Variants in SYNCRIP observed in about 807,000 individuals in gnomAD.
SYNCRIP encodes the protein synaptotagmin binding cytoplasmic RNA interacting protein.
SYNCRIP carries 9 observed loss-of-function variants against 68.9 expected under a neutral mutation model. That is an observed-to-expected ratio of 0.13 (90% CI 0.08 to 0.23). SYNCRIP has a LOEUF of 0.23. Ranked by LOEUF, SYNCRIP falls within the 10% of genes least tolerant of loss-of-function variation. SYNCRIP has a pLI of 1.00. For missense variants in SYNCRIP, 414 were observed against 770.6 expected, an observed-to-expected ratio of 0.54 and a Z score of 5.48; for synonymous variants, 258 against 254.0, an observed-to-expected ratio of 1.02 and a Z score of -0.15.
At chr6:85,636,822 G>A (rs1022998261) in intron 6 of SYNCRIP, 145 bp downstream of exon 6, 1 of 669,176 alleles carries the variant, frequency 1.5e-6, no homozygotes, top group Non-Finnish European at 2.5e-6. Flanking sequence ...ACACTACAAT[G>A]CTTGCACAGT....
rs781083306 is a variant in SYNCRIP at position 85,629,516 on chromosome 6, C to CAAAAA, written c.667-5409_667-5405dup. Among the ~76,000 whole-genome samples the CAAAAA allele has an allele frequency of 8.0e-4, 52 of 64,898 alleles. 2 individuals carry two copies. Among genetic ancestry groups the CAAAAA allele is most frequent in the Middle Eastern group, 0.012 (1 of 82 alleles). The allele number at this position is 64,898 out of a possible 152,430, so 42.6% of individuals were successfully genotyped here. A position where few individuals can be genotyped will look rare whatever the true frequency, so the allele number is the denominator to read the frequency against. On this transcript the variant is annotated intron_variant, in intron 6 of 10. Coordinates refer to ENST00000369622, the MANE Select transcript of SYNCRIP (RefSeq NM_006372.5). ...CAGCCTGGTCAACAAACTAAAAATA[C>CAAAAA]AAAAAAAAAAAAAAAAAAAAAAAAG...
At chr6:85,623,270 ACT>A (rs986995001) in intron 7 of SYNCRIP, among the ~76,000 whole-genome samples, 7 of 151,782 alleles carry the variant, frequency 4.6e-5, no homozygotes, top group Non-Finnish European at 7.4e-5. Flanking sequence ...CAATATATAA[ACT>A]CTGTTTATGG....
At position 85,614,058 on chromosome 6, in the gene SYNCRIP, T is replaced by C; in HGVS notation, c.*698A>G. 2.0e-6 allele frequency: 2 copies of C among 985,812 alleles called. No homozygotes were observed. Among genetic ancestry groups the C allele is most frequent in the Non-Finnish European group, 2.4e-6 (2 of 829,924 alleles). 61.1% of individuals were successfully genotyped at this position (985,812 alleles called of 1,614,324 possible). ...GCACTTTAAACCAGAAGCAGAAAAC[T>C]GCAATAAATCAGTGTTGTGTAATGT... On this transcript the variant is annotated 3_prime_UTR_variant, in exon 11 of 11. Coordinates refer to ENST00000369622, the MANE Select transcript of SYNCRIP (RefSeq NM_006372.5).
At chr6:85,640,200 A>C (rs751382645) in intron 4 of SYNCRIP, 21 bp downstream of exon 4, 6 of 1,523,700 alleles carry the variant, frequency 3.9e-6, no homozygotes, top group Non-Finnish European at 5.4e-6. Flanking sequence ...TTAAAACTAA[A>C]GGGAGTATAG....
rs138631587 is a variant in SYNCRIP, at chr6:85,629,378, T to C, written c.667-5266A>G. Among the ~76,000 whole-genome samples, 39 of 152,168 alleles carry C rather than the reference T, an allele frequency of 2.6e-4. No individual in the cohort carries two copies. The East Asian group carries it at 4.6e-3, about 18-fold the overall frequency. On this transcript the variant is annotated intron_variant, in intron 6 of 10. Transcript: ENST00000369622. The stretch of plus-strand genomic sequence containing the variant: ...AAAAGTTTTCATGCTAAACACACTA[T>C]TTGCTAAATTATTATTAAAATATCT...
Position 85,637,126 on chromosome 6 carries a change from G to C in SYNCRIP, c.507C>G (p.Ile169Met). The C allele has an allele frequency of 6.2e-7, 1 of 1,610,232 alleles. No individual in the cohort carries two copies. Among genetic ancestry groups the C allele is most frequent in the Non-Finnish European group, 8.5e-7 (1 of 1,179,100 alleles). Residue 169 changes from isoleucine to methionine, a missense_variant, in exon 6 of 11, where the codon ATC becomes ATG. Ile to Met is a conservative substitution (Grantham distance 10, BLOSUM62 1). Coordinates refer to ENST00000369622, the MANE Select transcript of SYNCRIP (RefSeq NM_006372.5). ...SVGTEIFVGK[I>M]PRDLFEDELV... is the part of the protein sequence containing the mutation. Reference sequence around the variant, plus strand: ...GTTCATCCTCAAATAGATCTCTTGGGATCTTTCCCACAAATATCTGTAAAT... The same window carrying C: ...GTTCATCCTCAAATAGATCTCTTGGCATCTTTCCCACAAATATCTGTAAAT...
downstream of SYNCRIP, chr6:85,609,710 G>A (rs1805098622): frequency 6.6e-6 from 1 of 151,912 alleles, no homozygotes; most frequent in African/African-American, 2.4e-5. Flanking sequence ...GATCACTTTT[G>A]ATTGCCAAGT....
Position 85,614,907 on chromosome 6 carries a change from T to C in SYNCRIP, c.1721A>G (p.Asp574Gly), listed in dbSNP as rs1805589972. Residue 574 changes from aspartate to glycine, a missense_variant, in exon 11 of 11, where the codon GAT becomes GGT. By Grantham distance (94) the Asp-to-Gly change is moderately conservative. Transcript: ENST00000369622. ...KRKADGYNQP[D>G]SKRRQTNNQN... is the part of the protein sequence containing the mutation. ...ATTATTGGTCTGGCGCCGCTTGGAATCTGGCTGGTTGTACCCATCAGCTTT... is the reference window on the plus strand; with the variant it reads ...ATTATTGGTCTGGCGCCGCTTGGAACCTGGCTGGTTGTACCCATCAGCTTT... 6.2e-7 allele frequency: 1 copy of C among 1,614,192 alleles called. No individual in the cohort carries two copies. The highest frequency in any genetic ancestry group is 8.5e-7 in the Non-Finnish European group (1 of 1,180,042).
chr6:85,610,678 C>G (rs1479263715), downstream of SYNCRIP: 1 of 151,968 alleles, frequency 6.6e-6, no homozygotes, highest in Non-Finnish European at 1.5e-5. Context: ...CAGTAAAGTG[C>G]CAATAGGCAT....
rs1205429701 is a variant in SYNCRIP at position 85,623,503 on chromosome 6, G to A, written c.802+474C>T. Reference sequence around the variant, plus strand: ...CCCTTGAATCTGGGAGGCAGAGGCTGCAGGGAGCCAAGATCACACCAGCAC... The same window carrying A: ...CCCTTGAATCTGGGAGGCAGAGGCTACAGGGAGCCAAGATCACACCAGCAC... On this transcript the variant is annotated intron_variant, in intron 7 of 10. Coordinates refer to ENST00000369622, the MANE Select transcript of SYNCRIP (RefSeq NM_006372.5). Among the ~76,000 whole-genome samples, 6 of 133,406 alleles carry A rather than the reference G, an allele frequency of 4.5e-5. No individual in the cohort carries two copies. The Admixed American group carries it at 5.1e-4, about 11-fold the overall frequency. 87.5% of individuals were successfully genotyped at this position (133,406 alleles called of 152,430 possible).
At chr6:85,643,079 C>G (rs1337574861), upstream of SYNCRIP, 2 of 150,940 alleles carry the variant, frequency 1.3e-5, no homozygotes, top group East Asian at 4.0e-4. Context: ...TCCTCCAGCT[C>G]CTCCTTCTCC....
chr6:85,610,204 T>C (rs1482660140), downstream of SYNCRIP: 1 of 151,930 alleles, frequency 6.6e-6, no homozygotes, highest in Non-Finnish European at 1.5e-5. Flanking sequence ...ACGTTAATTG[T>C]TCACATCACT....
At chr6:85,617,014 G>T (rs962228951) in intron 10 of SYNCRIP, among the ~76,000 whole-genome samples, 4 of 152,084 alleles carry the variant, frequency 2.6e-5, no homozygotes, top group Non-Finnish European at 4.4e-5. Context: ...TAGTGGTTAA[G>T]AGGGAAAATT....
chr6:85,607,928 CT>C (rs1391221985), downstream of SYNCRIP: 5 of 152,014 alleles, frequency 3.3e-5, no homozygotes, highest in Non-Finnish European at 7.4e-5. Flanking sequence ...ACTAAGTGAC[CT>C]AAAAAGTCTT....
At chr6:85,631,804 G>C (rs1453672299) in intron 6 of SYNCRIP, among the ~76,000 whole-genome samples, 1 of 152,186 alleles carries the variant, frequency 6.6e-6, no homozygotes, top group East Asian at 1.9e-4. Flanking sequence ...CTAGGGCTGG[G>C]ATGTTTAGCT....
rs970373257 is a variant in SYNCRIP, at chr6:85,632,770, CACCTCT to C, written c.666+4191_666+4196del. Among the ~76,000 whole-genome samples, 95 of 151,914 alleles carry C rather than the reference CACCTCT, an allele frequency of 6.3e-4. 1 individual carries two copies. The highest frequency in any genetic ancestry group is 3.4e-3 in the Middle Eastern group (1 of 292). ...TAGCCTGGACAACATAGTGAGACAC[CACCTCT>C]ACAAGTTTAAAAATTAGCCTAGCAA... is the stretch of plus-strand genomic sequence containing the variant. On this transcript the variant is annotated intron_variant, in intron 6 of 10. Transcript: ENST00000369622.
Position 85,628,276 on chromosome 6 carries a change from G to C in SYNCRIP, c.667-4164C>G, listed in dbSNP as rs548490159. Among the ~76,000 whole-genome samples, 20 of 152,106 alleles carry C rather than the reference G, an allele frequency of 1.3e-4. No individual in the cohort carries two copies. The East Asian group carries it at 2.9e-3, about 22-fold the overall frequency. ...TCACCATGTTGGCCAGGCTGGTCTC[G>C]AACTCCTGGCCTCGGGTGATCCGCC... On this transcript the variant is annotated intron_variant, in intron 6 of 10. Coordinates refer to ENST00000369622, the MANE Select transcript of SYNCRIP (RefSeq NM_006372.5).
chr6:85,619,355 T>C lies in SYNCRIP; in HGVS notation c.1071A>G (p.Ala357=), dbSNP rs534739428. 2.2e-5 allele frequency: 35 copies of C among 1,613,902 alleles called. No individual in the cohort carries two copies. Among genetic ancestry groups the C allele is most frequent in the African/African-American group, 6.7e-5 (5 of 74,910 alleles). Residue 357 remains alanine (A), a synonymous_variant, in exon 9 of 11, where the codon GCA becomes GCG. Transcript: ENST00000369622. The part of the protein sequence containing the change: ...NTVTEEILEK[A]FSQFGKLERV... ...GTTCCAGTTTCCCAAACTGACTAAA[T>C]GCCTTTTCTAAAATCTCTTCTGTTA...
At chr6:85,639,875 A>C (rs1436247284) in intron 4 of SYNCRIP, among the ~76,000 whole-genome samples, 1 of 152,220 alleles carries the variant, frequency 6.6e-6, no homozygotes, top group Non-Finnish European at 1.5e-5. Flanking sequence ...CTCCTAAAAA[A>C]AAAAGCCAGT....
Sources: allele counts gnomAD v4.1 joint callset (sites outside exome capture counted in the v4.1 genomes callset), GRCh38; gene constraint gnomAD v4.1.1; transcripts MANE v1.5; gene names NCBI Gene and HGNC (gene_info 2026-07-23, HGNC 2026-07-21).